The following RABGAP1L variants were observed in gnomAD, a reference collection of about 807,000 sequenced individuals.
RABGAP1L encodes RAB GTPase activating protein 1 like, also known as rab GTPase-activating protein 1-like.
RABGAP1L carries 63 observed loss-of-function variants against 137.7 expected under a neutral mutation model. The ratio of observed to expected loss-of-function variants is 0.46; its 90% CI spans 0.37 to 0.56. RABGAP1L has a LOEUF of 0.56. RABGAP1L is among the 20% of genes least tolerant of loss of function. The pLI is 0.00. For synonymous variants in RABGAP1L, 431 were observed against 433.7 expected, an observed-to-expected ratio of 0.99 and a Z score of 0.08; for missense variants, 1,095 against 1,244.0, an observed-to-expected ratio of 0.88 and a Z score of 1.80.
intron 13 of RABGAP1L, among the ~76,000 whole-genome samples, chr1:174,596,482 T>C (rs1161991157): frequency 6.6e-6 from 1 of 152,210 alleles, no homozygotes; most frequent in Non-Finnish European, 1.5e-5. Context: ...CTGTTGCAAA[T>C]TGGATTCTTA....
At chr1:174,865,313 C>T (rs998310996) in intron 19 of RABGAP1L, among the ~76,000 whole-genome samples, 6 of 152,122 alleles carry the variant, frequency 3.9e-5, no homozygotes, top group Non-Finnish European at 5.9e-5. Flanking sequence ...TGCATTCCAG[C>T]GTGGGTGACA....
intron 1 of RABGAP1L, among the ~76,000 whole-genome samples, chr1:174,178,905 C>T (rs1009282860): frequency 1.4e-4 from 21 of 152,066 alleles, no homozygotes; most frequent in East Asian, 5.8e-4. Context: ...ACCTAGGTGA[C>T]GGGTTGATAG....
chr1:174,661,865 G>A (rs1362384046), intron 14 of RABGAP1L, among the ~76,000 whole-genome samples: 4 of 152,098 alleles, frequency 2.6e-5, no homozygotes, highest in Non-Finnish European at 5.9e-5. Flanking sequence ...TATTTGTGTT[G>A]ATGCTGGTAT....
intron 13 of RABGAP1L, among the ~76,000 whole-genome samples, chr1:174,527,716 T>C (rs754328910): frequency 6.6e-6 from 1 of 152,188 alleles, no homozygotes; most frequent in African/African-American, 2.4e-5. Context: ...ATTATTTACC[T>C]AATGCTGAGA....
At position 174,339,576 on chromosome 1, in the gene RABGAP1L, A is replaced by G. The variant is rs1169328843; in HGVS notation, c.1466-31403A>G. Among the ~76,000 whole-genome samples the G allele has an allele frequency of 3.9e-5, 6 of 152,062 alleles. No individual in the cohort carries two copies. The East Asian group carries it at 1.2e-3, about 29-fold the overall frequency. ...GTTAGTTGAGGAAGGATTAGTCTTCAGTGTTGTTAATACTGTTTGAAGGCA... is the reference window on the plus strand; with the variant it reads ...GTTAGTTGAGGAAGGATTAGTCTTCGGTGTTGTTAATACTGTTTGAAGGCA... On this transcript the variant is annotated intron_variant, in intron 11 of 25. Coordinates refer to ENST00000681986, the MANE Select transcript of RABGAP1L (RefSeq NM_001366446.1).
In RABGAP1L at chr1:174,352,426, A is replaced by G. The variant is rs539018455; in HGVS notation, c.1466-18553A>G. Among the ~76,000 whole-genome samples the G allele has an allele frequency of 3.3e-5, 5 of 152,218 alleles. No individual in the cohort carries two copies. The South Asian group carries it at 1.0e-3, about 32-fold the overall frequency. ...AATTTTTGCTTGATTTTAAAAAAAT[A>G]ATTTCAGTCTCTTTGTTAAATTTAT... On this transcript the variant is annotated intron_variant, in intron 11 of 25. Coordinates refer to ENST00000681986, the MANE Select transcript of RABGAP1L (RefSeq NM_001366446.1).
intron 19 of RABGAP1L, among the ~76,000 whole-genome samples, chr1:174,931,990 G>GTTTTTTTTTTTTTTTTTTTT (rs532860564): frequency 1.4e-5 from 1 of 69,648 alleles, no homozygotes; most frequent in African/African-American, 5.3e-5. Flanking sequence ...TGCTTTTTTG[G>GTTTTTTTTTTTTTTTTTTTT]TTTTTTTTTT....
chr1:174,864,503 C>T (rs1336014238), intron 19 of RABGAP1L, among the ~76,000 whole-genome samples: 2 of 152,144 alleles, frequency 1.3e-5, no homozygotes, highest in Non-Finnish European at 2.9e-5. Context: ...TGTTCTTCTT[C>T]ACATGGTGGC....
At chr1:174,606,505 G>A (rs767333081) in intron 13 of RABGAP1L, among the ~76,000 whole-genome samples, 3 of 152,136 alleles carry the variant, frequency 2.0e-5, no homozygotes, top group Non-Finnish European at 4.4e-5. Flanking sequence ...TTTTTAAGAC[G>A]TTAATTGGTT....
chr1:174,163,709 A>G (rs1664689980), intron 1 of RABGAP1L, among the ~76,000 whole-genome samples: 1 of 152,036 alleles, frequency 6.6e-6, no homozygotes, highest in Non-Finnish European at 1.5e-5. Flanking sequence ...ACAGCCAAAA[A>G]TATATTTAAG....
chr1:174,617,664 T>G (rs1180352352), intron 13 of RABGAP1L, among the ~76,000 whole-genome samples: 1 of 152,236 alleles, frequency 6.6e-6, no homozygotes, highest in East Asian at 1.9e-4. Flanking sequence ...TTAATTGTCT[T>G]TTTCAAAATC....
At chr1:174,312,590 A>G (rs151180316) in intron 11 of RABGAP1L, among the ~76,000 whole-genome samples, 1 of 152,254 alleles carries the variant, frequency 6.6e-6, no homozygotes, top group East Asian at 1.9e-4. Flanking sequence ...TGCTGTGCAG[A>G]AGCTTTCTAA....
chr1:174,619,423 A>G (rs1027032703), intron 13 of RABGAP1L, among the ~76,000 whole-genome samples: 2 of 152,264 alleles, frequency 1.3e-5, no homozygotes, highest in Non-Finnish European at 2.9e-5. Flanking sequence ...GAAGCCCATC[A>G]GACTAACAGC....
chr1:174,383,894 A>C (rs1396336908), intron 12 of RABGAP1L, among the ~76,000 whole-genome samples: 4 of 152,188 alleles, frequency 2.6e-5, no homozygotes, highest in South Asian at 2.1e-4. Flanking sequence ...GTATTTTATA[A>C]AATTGAAGAC....
intron 13 of RABGAP1L, among the ~76,000 whole-genome samples, chr1:174,601,492 G>A (rs948949044): frequency 6.6e-6 from 1 of 151,790 alleles, no homozygotes; most frequent in Non-Finnish European, 1.5e-5. Flanking sequence ...CCCGGGGCCT[G>A]TCGTGGGGTT....
At chr1:174,717,696 T>A (rs1681138292) in intron 17 of RABGAP1L, among the ~76,000 whole-genome samples, 1 of 152,228 alleles carries the variant, frequency 6.6e-6, no homozygotes, top group Admixed American at 6.5e-5. Flanking sequence ...TATTATCTAA[T>A]TCTTGTCTTA....
intron 18 of RABGAP1L, among the ~76,000 whole-genome samples, chr1:174,758,966 A>AGTC (rs1341447549): frequency 1.3e-5 from 2 of 152,114 alleles, no homozygotes; most frequent in Non-Finnish European, 2.9e-5. Context: ...TGTGGATTCT[A>AGTC]CTTCTTGAAA....
chr1:174,550,983 C>CATATATATATACATATATATATATAT, intron 13 of RABGAP1L, among the ~76,000 whole-genome samples: 1 of 83,426 alleles, frequency 1.2e-5, no homozygotes, highest in Non-Finnish European at 2.0e-5. Flanking sequence ...TGTATATATA[C>CATATATATATACATATATATATATAT]ATATATATAT....
At position 174,990,522 on chromosome 1, in the gene RABGAP1L, A is replaced by C. The variant is rs1671987145; in HGVS notation, c.*521A>C. ...GAGCCTGATTCCCAGGGAAGTGTTA[A>C]TCCTGTCCAAAGGAAAGAACCAATC... On this transcript the variant is annotated 3_prime_UTR_variant, in exon 26 of 26. Transcript: ENST00000681986. 6.6e-6 allele frequency: 1 copy of C among 152,300 alleles called. No homozygotes were observed. Among genetic ancestry groups the C allele is most frequent in the African/African-American group, 2.4e-5 (1 of 41,436 alleles). 9.4% of individuals were successfully genotyped at this position (152,300 alleles called of 1,614,324 possible).
Sources: gnomAD v4.1 joint callset for allele counts (sites outside exome capture counted in the v4.1 genomes callset) on GRCh38, gnomAD v4.1.1 for gene constraint, MANE v1.5 for transcripts, NCBI Gene and HGNC (gene_info 2026-07-23, HGNC 2026-07-21) for gene names.